The following SNTG2 variants were observed in gnomAD, a reference collection of about 807,000 sequenced individuals.
The protein encoded by SNTG2 is gamma-2-syntrophin.
In SNTG2, 74 loss-of-function variants were observed where a neutral mutation model predicts 70.9. The ratio of observed to expected loss-of-function variants is 1.04; its 90% CI spans 0.86 to 1.27. SNTG2 has a LOEUF of 1.27. SNTG2 is among the 50% of genes most tolerant of loss of function. SNTG2 has a pLI of 0.00. For synonymous variants in SNTG2, 278 were observed against 273.8 expected (o/e 1.02, Z -0.15); for missense variants, 717 against 690.7 (o/e 1.04, Z -0.43).
intron 9 of SNTG2, among the ~76,000 whole-genome samples, chr2:1,219,034 G>T (rs538602956): frequency 3.7e-4 from 56 of 152,308 alleles, no homozygotes; most frequent in African/African-American, 1.3e-3. Flanking sequence ...AGTGCTGGAG[G>T]TAGGTCCTGG....
chr2:1,195,660 C>A (rs1345802688), intron 8 of SNTG2, among the ~76,000 whole-genome samples: 1 of 152,108 alleles, frequency 6.6e-6, no homozygotes, highest in East Asian at 1.9e-4. Flanking sequence ...AATTTTCTCC[C>A]ATTCTGTAGG....
In SNTG2 at chr2:961,145, A is replaced by G. The variant is rs539039311; in HGVS notation, c.72+10077A>G. ...TGTCATGGTAAATAAAACCAACTTT[A>G]TTTTGTTTTATATGTTATCACCCCT... On this transcript the variant is annotated intron_variant, in intron 1 of 16. Coordinates refer to ENST00000308624, the MANE Select transcript of SNTG2 (RefSeq NM_018968.4). Among the ~76,000 whole-genome samples, 4 of 152,214 alleles carry G rather than the reference A, an allele frequency of 2.6e-5. No individual in the cohort carries two copies. The South Asian group carries it at 8.3e-4, about 32-fold the overall frequency.
At position 1,078,855 on chromosome 2, in the gene SNTG2, A is replaced by G. The variant is rs576559654; in HGVS notation, c.73-4663A>G. On this transcript the variant is annotated intron_variant, in intron 1 of 16. Coordinates refer to ENST00000308624, the MANE Select transcript of SNTG2 (RefSeq NM_018968.4). The stretch of plus-strand genomic sequence containing the variant: ...GGTGAGTTGGACACTGAGGGTCAGG[A>G]GGGAGGAAGGTCACAGGAACTGAGG... 1.2e-4 allele frequency among the ~76,000 whole-genome samples: 19 copies of G among 152,200 alleles called. No homozygotes were observed. In the East Asian group the frequency reaches 2.1e-3, roughly 17 times the overall value.
chr2:1,142,986 C>T (rs1222932253), intron 6 of SNTG2, among the ~76,000 whole-genome samples: 2 of 152,102 alleles, frequency 1.3e-5, no homozygotes, highest in Non-Finnish European at 2.9e-5. Flanking sequence ...TGGGGAGTGG[C>T]CAGATGCATA....
At chr2:1,277,865 A>G (rs978533796) in intron 14 of SNTG2, among the ~76,000 whole-genome samples, 1 of 152,200 alleles carries the variant, frequency 6.6e-6, no homozygotes, top group Non-Finnish European at 1.5e-5. Flanking sequence ...GACAAGCTCC[A>G]TGGAGATCCC....
chr2:1,309,862 A>C (rs768261035), intron 15 of SNTG2, among the ~76,000 whole-genome samples: 10 of 152,230 alleles, frequency 6.6e-5, no homozygotes, highest in Non-Finnish European at 1.3e-4. Flanking sequence ...AAGTAGCTTC[A>C]GGGTTCCACT....
intron 1 of SNTG2, among the ~76,000 whole-genome samples, chr2:1,020,736 ACTGT>A (rs1660120341): frequency 6.6e-6 from 1 of 152,152 alleles, no homozygotes; most frequent in Non-Finnish European, 1.5e-5. Context: ...AACATGTCAA[ACTGT>A]CTGCCACATC....
chr2:1,072,607 G>A (rs977448984), intron 1 of SNTG2, among the ~76,000 whole-genome samples: 17 of 152,130 alleles, frequency 1.1e-4, no homozygotes, highest in African/African-American at 3.9e-4. Flanking sequence ...CATACAGGGA[G>A]ATTGAGGCTG....
intron 15 of SNTG2, among the ~76,000 whole-genome samples, chr2:1,313,190 C>G (rs532501032): frequency 6.6e-6 from 1 of 152,324 alleles, no homozygotes; most frequent in Non-Finnish European, 1.5e-5. Flanking sequence ...TCTTTAACAA[C>G]CTGAAACCAT....
Position 996,673 on chromosome 2 carries a change from G to GTTTTTTTTTTTTTT in SNTG2, c.72+45623_72+45636dup. On this transcript the variant is annotated intron_variant, in intron 1 of 16. Transcript: ENST00000308624. ...ATATTGCTTGTATTTGAGTTACCCA[G>GTTTTTTTTTTTTTT]TTTTTTTTTTTTTTTTTTTTTTTTT... Among the ~76,000 whole-genome samples the GTTTTTTTTTTTTTT allele has an allele frequency of 7.2e-3, 253 of 35,096 alleles. 43 individuals carry two copies. The highest frequency in any genetic ancestry group is 0.011 in the African/African-American group (89 of 7,990). The allele number at this position is 35,096 out of a possible 152,430, so 23.0% of individuals were successfully genotyped here.
intron 4 of SNTG2, among the ~76,000 whole-genome samples, chr2:1,134,940 T>C (rs1668278234): frequency 6.6e-6 from 1 of 152,148 alleles, no homozygotes; most frequent in South Asian, 2.1e-4. Flanking sequence ...GGGGACCCAG[T>C]ACACCCTCCG....
chr2:1,311,717 C>T (rs1681000883), intron 15 of SNTG2, among the ~76,000 whole-genome samples: 1 of 152,112 alleles, frequency 6.6e-6, no homozygotes, highest in Admixed American at 6.6e-5. Flanking sequence ...TCTCCGGTAC[C>T]CACATGCCCT....
At chr2:1,127,716 T>C (rs542774525) in intron 4 of SNTG2, among the ~76,000 whole-genome samples, 1 of 152,228 alleles carries the variant, frequency 6.6e-6, no homozygotes, top group African/African-American at 2.4e-5. Flanking sequence ...TGTATGTGTG[T>C]GGCTATTGTA....
chr2:1,307,435 C>G (rs1680746689), intron 14 of SNTG2, among the ~76,000 whole-genome samples: 3 of 138,704 alleles, frequency 2.2e-5, no homozygotes, highest in South Asian at 2.4e-4. Flanking sequence ...GAGCCGTGTA[C>G]TGTGTGTGTG....
intron 14 of SNTG2, among the ~76,000 whole-genome samples, chr2:1,296,424 C>T (rs1282907488): frequency 6.6e-6 from 1 of 152,254 alleles, no homozygotes; most frequent in Non-Finnish European, 1.5e-5. Context: ...GCCCCTGCCC[C>T]AGCAGCAGCC....
intron 8 of SNTG2, among the ~76,000 whole-genome samples, chr2:1,183,032 G>A (rs1672019524): frequency 6.6e-6 from 1 of 152,172 alleles, no homozygotes; most frequent in African/African-American, 2.4e-5. Flanking sequence ...TGGAATTACA[G>A]GCATGAGCCA....
intron 14 of SNTG2, among the ~76,000 whole-genome samples, chr2:1,287,088 GGGA>G (rs1332416828): frequency 6.6e-6 from 1 of 152,176 alleles, no homozygotes; most frequent in Non-Finnish European, 1.5e-5. Context: ...CTCTGGGTTG[GGGA>G]GGAGAATATC....
intron 14 of SNTG2, 108 bp downstream of exon 14, chr2:1,267,679 G>A: frequency 1.9e-6 from 2 of 1,033,340 alleles, no homozygotes; most frequent in Admixed American, 2.1e-5. Context: ...ATCTTCAGAA[G>A]GTGAGAATCT....
At position 1,365,939 on chromosome 2, in the gene SNTG2, A is replaced by G. The variant is rs374319948; in HGVS notation, c.1489-1404A>G. On this transcript the variant is annotated intron_variant, in intron 16 of 16. Coordinates refer to ENST00000308624, the MANE Select transcript of SNTG2 (RefSeq NM_018968.4). ...TTTACCCGGTGATGTGTGACCTCCAATCCTGCCTGGGGCCCCATTCTCCAC... is the reference window on the plus strand; with the variant it reads ...TTTACCCGGTGATGTGTGACCTCCAGTCCTGCCTGGGGCCCCATTCTCCAC... 1.5e-4 allele frequency among the ~76,000 whole-genome samples: 23 copies of G among 152,254 alleles called. 1 individual carries two copies. The South Asian group carries it at 3.5e-3, about 23-fold the overall frequency.
Sources: gnomAD v4.1 joint callset for allele counts (sites outside exome capture counted in the v4.1 genomes callset) on GRCh38, gnomAD v4.1.1 for gene constraint, MANE v1.5 for transcripts, NCBI Gene and HGNC (gene_info 2026-07-23, HGNC 2026-07-21) for gene names.